Variants in SLC35A1 observed in about 807,000 individuals in gnomAD.
SLC35A1 encodes the protein CMP-sialic acid transporter.
Under a neutral mutation model 40.3 loss-of-function variants are expected in SLC35A1, and 21 were observed. The ratio of observed to expected loss-of-function variants is 0.52; its 90% CI spans 0.37 to 0.75. SLC35A1 has a LOEUF of 0.75. Ranked by LOEUF, SLC35A1 falls within the 30% of genes least tolerant of loss-of-function variation. The pLI, the probability that SLC35A1 is intolerant of heterozygous loss-of-function variation, is 0.00. For synonymous variants in SLC35A1, 146 were observed against 147.3 expected, an observed-to-expected ratio of 0.99 and a Z score of 0.06; for missense variants, 297 against 382.1, an observed-to-expected ratio of 0.78 and a Z score of 1.86.
At chr6:87,475,052 T>C (rs1322409886) in intron 1 of SLC35A1, among the ~76,000 whole-genome samples, 3 of 152,192 alleles carry the variant, frequency 2.0e-5, no homozygotes, top group African/African-American at 7.2e-5. Flanking sequence ...GTGTTGATAA[T>C]CTAGGACATG....
intron 1 of SLC35A1, among the ~76,000 whole-genome samples, chr6:87,473,260 C>G (rs1201270527): frequency 2.0e-5 from 3 of 152,170 alleles, no homozygotes; most frequent in Admixed American, 1.3e-4. Flanking sequence ...AGAGACCGCA[C>G]TGACCTCCAC....
At chr6:87,509,218 C>A (rs1408175172) in intron 7 of SLC35A1, 43 bp downstream of exon 7, 1 of 1,610,834 alleles carries the variant, frequency 6.2e-7, no homozygotes, top group Non-Finnish European at 8.5e-7. Flanking sequence ...GGAAGAGCCT[C>A]CCATTTCCTT....
At chr6:87,505,490 A>C (rs1022288406) in intron 4 of SLC35A1, among the ~76,000 whole-genome samples, 4 of 152,206 alleles carry the variant, frequency 2.6e-5, no homozygotes, top group Admixed American at 2.0e-4. Context: ...TGTGTATTGT[A>C]ATCTTCTTTA....
chr6:87,500,530 T>C lies in SLC35A1; in HGVS notation c.217T>C (p.Phe73Leu). The C allele has an allele frequency of 6.2e-7, 1 of 1,614,134 alleles. No individual in the cohort carries two copies. The highest frequency in any genetic ancestry group is 8.5e-7 in the Non-Finnish European group (1 of 1,179,998). Residue 73 changes from phenylalanine (F) to leucine (L), a missense_variant, in exon 3 of 8, where the codon TTC (phenylalanine) becomes CTC (leucine). Phe to Leu is a conservative substitution (Grantham distance 22, BLOSUM62 0). Transcript: ENST00000369552. ...LAKETGSLGR[F>L]KASLRENVLG... ...AAGAGAAACTGGTAGTCTGGGTAGA[T>C]TCAAAGCATCTTTAAGAGAAAATGT...
chr6:87,506,889 C>T (rs147529744), intron 5 of SLC35A1: 225 of 210,330 alleles, frequency 1.1e-3, no homozygotes, highest in African/African-American at 4.7e-3. Context: ...AGGTTAGGAG[C>T]TATGGAGTAG....
chr6:87,482,812 A>G (rs1255594706), intron 2 of SLC35A1, among the ~76,000 whole-genome samples: 1 of 150,822 alleles, frequency 6.6e-6, no homozygotes, highest in Non-Finnish European at 1.5e-5. Flanking sequence ...TTTTTGAGTT[A>G]GTAAGTTACC....
intron 1 of SLC35A1, among the ~76,000 whole-genome samples, chr6:87,476,990 A>G (rs1474374067): frequency 1.3e-5 from 2 of 151,930 alleles, no homozygotes; most frequent in African/African-American, 4.8e-5. Flanking sequence ...CTGTATTCCA[A>G]CCTGGGGGAC....
chr6:87,501,403 T>A, intron 4 of SLC35A1, 93 bp downstream of exon 4: 1 of 1,262,238 alleles, frequency 7.9e-7, no homozygotes, highest in Non-Finnish European at 1.1e-6. Flanking sequence ...GCAGCATGAC[T>A]ACATTTCTTT....
Position 87,511,839 on chromosome 6 carries a change from A to G in SLC35A1, c.*313A>G. ...AAAAAAATCATGGTAAGGCTACAAT[A>G]CTCAAGTAACAAGGTTTGGGACAAT... On this transcript the variant is annotated 3_prime_UTR_variant, in exon 8 of 8. Transcript: ENST00000369552. 1 of 365,302 alleles carries G rather than the reference A, an allele frequency of 2.7e-6. No individual in the cohort carries two copies. Among genetic ancestry groups the G allele is most frequent in the Non-Finnish European group, 5.2e-6 (1 of 190,900 alleles). 22.6% of individuals were successfully genotyped at this position (365,302 alleles called of 1,614,324 possible). A position where few individuals can be genotyped will look rare whatever the true frequency, so the allele number is the denominator to read the frequency against.
In SLC35A1 at chr6:87,501,270, C is replaced by T. The variant is rs578205635; in HGVS notation, c.467C>T (p.Thr156Met). The T allele has an allele frequency of 1.5e-5, 25 of 1,613,976 alleles. No individual in the cohort carries two copies. The highest frequency in any genetic ancestry group is 6.7e-5 in the Admixed American group (4 of 60,006). ...VSVFMLCAGV[T>M]LVQWKPAQAT... The stretch of plus-strand genomic sequence containing the variant: ...GTTTTTATGCTGTGTGCTGGAGTTA[C>T]GCTTGTACAGTGGAAACCAGCCCAA... The change falls in exon 4 of 8, where the codon ACG (threonine) becomes ATG (methionine). Residue 156 changes from threonine to methionine, a missense_variant. Physicochemically the swap from Thr to Met is moderately conservative, Grantham distance 81. Transcript: ENST00000369552.
intron 1 of SLC35A1, among the ~76,000 whole-genome samples, chr6:87,476,463 G>A (rs193266648): frequency 1.4e-4 from 22 of 152,300 alleles, no homozygotes; most frequent in Admixed American, 1.4e-3. Context: ...GGTGGCTAAT[G>A]CCTGTAATCC....
At position 87,506,439 on chromosome 6, in the gene SLC35A1, G is replaced by A; in HGVS notation, c.565G>A (p.Gly189Arg). ...TATAGCTATTGCTGTATTGTGCTCA[G>A]GATTTGCAGGTAAATCATGAAAGCA... ...GAIAIAVLCS[G>R]FAGVYFEKVL... Residue 189 changes from glycine to arginine, a missense_variant, in exon 5 of 8, where the codon GGA (glycine) becomes AGA (arginine). Transcript: ENST00000369552. 6.2e-7 allele frequency: 1 copy of A among 1,613,160 alleles called. No individual in the cohort carries two copies. The highest frequency in any genetic ancestry group is 1.3e-5 in the African/African-American group (1 of 75,014).
intron 2 of SLC35A1, among the ~76,000 whole-genome samples, chr6:87,481,141 C>T (rs1010692476): frequency 4.6e-5 from 7 of 152,078 alleles, no homozygotes; most frequent in East Asian, 1.9e-4. Flanking sequence ...CCAGGCTGGG[C>T]GCGGTGGCTC....
chr6:87,497,954 C>G (rs945343545), intron 2 of SLC35A1, among the ~76,000 whole-genome samples: 2 of 151,480 alleles, frequency 1.3e-5, no homozygotes, highest in African/African-American at 4.9e-5. Flanking sequence ...GTCTCCAACT[C>G]CTGGCCTCAA....
rs1428848986 is a variant in SLC35A1 at position 87,512,319 on chromosome 6, A to C, written c.*793A>C. Reference sequence around the variant, plus strand: ...ATGTTAATGGGGAAATTCAGCAATAAACTTTATTTGTAAGAAAGAATTGTT... The same window carrying C: ...ATGTTAATGGGGAAATTCAGCAATACACTTTATTTGTAAGAAAGAATTGTT... On this transcript the variant is annotated 3_prime_UTR_variant, in exon 8 of 8. Transcript: ENST00000369552. 6.5e-6 allele frequency: 1 copy of C among 152,800 alleles called. No individual in the cohort carries two copies. The highest frequency in any genetic ancestry group is 1.9e-4 in the East Asian group (1 of 5,188). The allele number at this position is 152,800 out of a possible 1,614,324, so 9.5% of individuals were successfully genotyped here. A position where few individuals can be genotyped will look rare whatever the true frequency, so the allele number is the denominator to read the frequency against.
chr6:87,486,656 G>C (rs1300229180), intron 2 of SLC35A1, among the ~76,000 whole-genome samples: 1 of 152,156 alleles, frequency 6.6e-6, no homozygotes. Flanking sequence ...TTGGATTAAA[G>C]GGTTTCCTCT....
At chr6:87,482,242 C>A (rs963075010) in intron 2 of SLC35A1, among the ~76,000 whole-genome samples, 1 of 129,484 alleles carries the variant, frequency 7.7e-6, no homozygotes, top group Non-Finnish European at 1.6e-5. Context: ...ATTCTCCCCC[C>A]CCTCCTTTTT....
At position 87,511,588 on chromosome 6, in the gene SLC35A1, G is replaced by A; in HGVS notation, c.*62G>A. On this transcript the variant is annotated 3_prime_UTR_variant, in exon 8 of 8. Transcript: ENST00000369552. Reference sequence around the variant, plus strand: ...CATTTGCATTAAACTAGAGCCTTAAGTCAATCTCAGAAGGTAGCATAAACA... The same window carrying A: ...CATTTGCATTAAACTAGAGCCTTAAATCAATCTCAGAAGGTAGCATAAACA... 6.5e-7 allele frequency: 1 copy of A among 1,549,858 alleles called. No individual in the cohort carries two copies. Among genetic ancestry groups the A allele is most frequent in the Non-Finnish European group, 8.9e-7 (1 of 1,121,882 alleles).
chr6:87,485,629 G>T (rs1769369466), intron 2 of SLC35A1, among the ~76,000 whole-genome samples: 1 of 152,030 alleles, frequency 6.6e-6, no homozygotes, highest in Non-Finnish European at 1.5e-5. Flanking sequence ...TGGGTGTAGT[G>T]GTGTGTGGCT....
Sources: allele counts gnomAD v4.1 joint callset (sites outside exome capture counted in the v4.1 genomes callset), GRCh38; gene constraint gnomAD v4.1.1; transcripts MANE v1.5; gene names NCBI Gene and HGNC (gene_info 2026-07-23, HGNC 2026-07-21).